PLA2G4A: variants seen among roughly 807,000 people sequenced by gnomAD.
PLA2G4A encodes the protein phospholipase A2 group IVA.
In PLA2G4A, 40 loss-of-function variants were observed where a neutral mutation model predicts 81.9. That is an observed-to-expected ratio of 0.49 (90% CI 0.38 to 0.64). The LOEUF (loss-of-function observed/expected upper bound fraction) is 0.64. Ranked by LOEUF, PLA2G4A falls within the 30% of genes least tolerant of loss-of-function variation. The probability of loss-of-function intolerance (pLI) is 0.00; values close to 1 mark genes in which losing one functional copy is unlikely to be tolerated. For missense variants in PLA2G4A, 715 were observed against 905.1 expected (o/e 0.79, Z 2.69); for synonymous variants, 302 against 296.9 (o/e 1.02, Z -0.18).
intron 17 of PLA2G4A, among the ~76,000 whole-genome samples, chr1:186,983,506 T>G (rs1400354725): frequency 6.6e-6 from 1 of 152,178 alleles, no homozygotes; most frequent in African/African-American, 2.4e-5. Flanking sequence ...TATCAAGAGA[T>G]TCTAGCTTGC....
At chr1:186,854,504 C>T (rs1652483978) in intron 2 of PLA2G4A, 117 bp downstream of exon 2, 2 of 749,676 alleles carry the variant, frequency 2.7e-6, no homozygotes, top group Admixed American at 1.8e-5. Flanking sequence ...TGTTATTAAA[C>T]TCATATGAAC....
At chr1:186,906,018 T>G (rs1368976070) in intron 5 of PLA2G4A, among the ~76,000 whole-genome samples, 1 of 152,206 alleles carries the variant, frequency 6.6e-6, no homozygotes, top group African/African-American at 2.4e-5. Flanking sequence ...TTCTAAAAAT[T>G]TCCTCTGCAC....
chr1:186,861,145 T>C (rs1673743704), intron 2 of PLA2G4A, among the ~76,000 whole-genome samples: 1 of 152,212 alleles, frequency 6.6e-6, no homozygotes, highest in South Asian at 2.1e-4. Context: ...TTGGGACAAA[T>C]GTAATCCCAG....
chr1:186,873,269 T>C (rs2102064606), intron 3 of PLA2G4A, among the ~76,000 whole-genome samples: 1 of 152,212 alleles, frequency 6.6e-6, no homozygotes, highest in South Asian at 2.1e-4. Context: ...ATGATATTTC[T>C]TGGAGAGCTT....
At chr1:186,967,247 A>G (rs936147565) in intron 15 of PLA2G4A, among the ~76,000 whole-genome samples, 2 of 152,128 alleles carry the variant, frequency 1.3e-5, no homozygotes, top group African/African-American at 2.4e-5. Context: ...TACTTTATCT[A>G]TTTTTGGGGT....
At chr1:186,928,604 T>G (rs997188421) in intron 7 of PLA2G4A, among the ~76,000 whole-genome samples, 7 of 152,232 alleles carry the variant, frequency 4.6e-5, no homozygotes, top group Non-Finnish European at 1.0e-4. Context: ...AATCTCTTTC[T>G]GTATATCTAC....
intron 1 of PLA2G4A, among the ~76,000 whole-genome samples, chr1:186,839,032 T>C (rs1415945138): frequency 6.6e-6 from 1 of 151,442 alleles, no homozygotes; most frequent in Non-Finnish European, 1.5e-5. Flanking sequence ...AAAATAATAT[T>C]ATTGAACTAT....
intron 7 of PLA2G4A, among the ~76,000 whole-genome samples, chr1:186,930,071 T>TGA (rs374306138): frequency 4.4e-4 from 67 of 151,406 alleles, no homozygotes; most frequent in African/African-American, 1.5e-3. Flanking sequence ...CCAGCTTGGG[T>TGA]GAGAGAGAGA....
rs766722450 is a variant in PLA2G4A at position 186,940,026 on chromosome 1, C to G, written c.965C>G (p.Ala322Gly). The G allele has an allele frequency of 3.1e-6, 5 of 1,607,740 alleles. No homozygotes were observed. Among genetic ancestry groups the G allele is most frequent in the Non-Finnish European group, 4.3e-6 (5 of 1,174,274 alleles). Residue 322 changes from alanine (A) to glycine (G), a missense_variant, in exon 10 of 18, where the codon GCA (alanine) becomes GGA (glycine). Ala to Gly is a moderately conservative substitution (Grantham distance 60). Coordinates refer to ENST00000367466, the MANE Select transcript of PLA2G4A (RefSeq NM_024420.3). Reference sequence around the variant, plus strand: ...AGTTTGAAGGAAAAAGTTAATACTGCACAATGCCCTTTACCTCTTTTCACC... The same window carrying G: ...AGTTTGAAGGAAAAAGTTAATACTGGACAATGCCCTTTACCTCTTTTCACC... ...LSSLKEKVNT[A>G]QCPLPLFTCL...
chr1:186,911,802 G>A (rs754031921), intron 7 of PLA2G4A, among the ~76,000 whole-genome samples: 1 of 152,082 alleles, frequency 6.6e-6, no homozygotes, highest in Non-Finnish European at 1.5e-5. Context: ...CATGATTATG[G>A]AGGCCAAGCA....
chr1:186,867,196 G>A (rs1244919984), intron 2 of PLA2G4A, among the ~76,000 whole-genome samples: 1 of 151,578 alleles, frequency 6.6e-6, no homozygotes, highest in Non-Finnish European at 1.5e-5. Context: ...TGGGTCTTTT[G>A]CCTCTTCATA....
chr1:186,918,232 G>T (rs1265472122), intron 7 of PLA2G4A, among the ~76,000 whole-genome samples: 1 of 152,204 alleles, frequency 6.6e-6, no homozygotes, highest in East Asian at 1.9e-4. Context: ...GTTTCTTAAG[G>T]CCACTGAGGT....
intron 2 of PLA2G4A, among the ~76,000 whole-genome samples, chr1:186,865,061 T>A (rs544434756): frequency 3.3e-5 from 5 of 150,016 alleles, no homozygotes; most frequent in Non-Finnish European, 7.4e-5. Context: ...AATGAGACTC[T>A]GTCTAAATAA....
chr1:186,968,007 A>G (rs1418023714), intron 15 of PLA2G4A, among the ~76,000 whole-genome samples: 1 of 152,120 alleles, frequency 6.6e-6, no homozygotes, highest in Non-Finnish European at 1.5e-5. Context: ...ACTGCACCAG[A>G]GTGGGTGACT....
chr1:186,985,041 G>T (rs1657849502), intron 17 of PLA2G4A, among the ~76,000 whole-genome samples: 1 of 152,160 alleles, frequency 6.6e-6, no homozygotes, highest in Non-Finnish European at 1.5e-5. Context: ...TGAACCACCT[G>T]TCTCTCAAGC....
chr1:186,976,926 G>T (rs545974127), intron 15 of PLA2G4A, among the ~76,000 whole-genome samples: 1 of 152,224 alleles, frequency 6.6e-6, no homozygotes, highest in African/African-American at 2.4e-5. Context: ...CATTCTGGCG[G>T]GAATGTATAA....
At chr1:186,915,723 G>A (rs546811391) in intron 7 of PLA2G4A, among the ~76,000 whole-genome samples, 9 of 152,264 alleles carry the variant, frequency 5.9e-5, no homozygotes, top group Admixed American at 1.3e-4. Context: ...GGGTCCACAC[G>A]ATTTGCAGCT....
At chr1:186,958,775 C>T (rs1361096789) in intron 14 of PLA2G4A, among the ~76,000 whole-genome samples, 2 of 146,484 alleles carry the variant, frequency 1.4e-5, no homozygotes, top group East Asian at 2.1e-4. Flanking sequence ...GTAGTTTTCA[C>T]AGCACGAGGT....
intron 1 of PLA2G4A, among the ~76,000 whole-genome samples, chr1:186,848,813 G>A (rs1344157597): frequency 6.6e-6 from 1 of 151,972 alleles, no homozygotes; most frequent in African/African-American, 2.4e-5. Context: ...TGGACAGTTA[G>A]CTATCTTAAG....
Sources: gnomAD v4.1 joint callset for allele counts (sites outside exome capture counted in the v4.1 genomes callset) on GRCh38, gnomAD v4.1.1 for gene constraint, MANE v1.5 for transcripts, NCBI Gene and HGNC (gene_info 2026-07-23, HGNC 2026-07-21) for gene names.